The following HMGXB4 variants were observed in gnomAD, a reference collection of about 807,000 sequenced individuals.
HMGXB4 encodes the protein HMG domain-containing protein 4.
A neutral mutation model predicts 63.9 loss-of-function variants in HMGXB4; 27 were observed. The observed-to-expected ratio is 0.42, with a 90% CI of 0.31 to 0.58. The LOEUF (loss-of-function observed/expected upper bound fraction) is 0.58, where lower values mean the gene tolerates loss of function less well. Ranked by LOEUF, HMGXB4 falls within the 20% of genes least tolerant of loss-of-function variation. The probability of loss-of-function intolerance (pLI) is 0.13; values close to 1 mark genes in which losing one functional copy is unlikely to be tolerated. For synonymous variants in HMGXB4, 264 were observed against 265.3 expected (o/e 0.99, Z 0.05); for missense variants, 624 against 700.7 (o/e 0.89, Z 1.24).
chr22:35,282,393 A>G lies in HMGXB4; in HGVS notation c.1216-1569A>G, dbSNP rs561531025. Among the ~76,000 whole-genome samples the G allele has an allele frequency of 9.9e-5, 15 of 152,038 alleles. 1 individual carries two copies. In the South Asian group the frequency reaches 1.0e-3, roughly 11 times the overall value. ...GGGTTTCACCGTGTTAGCCAGGATG[A>G]CCTCGTGATCTGCCCGCCTTGGCCT... is the stretch of plus-strand genomic sequence containing the variant. On this transcript the variant is annotated intron_variant, in intron 5 of 10. Coordinates refer to ENST00000216106, the MANE Select transcript of HMGXB4 (RefSeq NM_001003681.3).
At chr22:35,283,131 C>T (rs113417317) in intron 5 of HMGXB4, among the ~76,000 whole-genome samples, 5,898 of 152,272 alleles carry the variant, frequency 0.039, 161 homozygotes, top group Middle Eastern at 0.071. Context: ...CACTTCTCAC[C>T]TTGAACCCAA....
chr22:35,279,397 C>G (rs1226661201), intron 5 of HMGXB4, among the ~76,000 whole-genome samples: 1 of 151,990 alleles, frequency 6.6e-6, no homozygotes, highest in African/African-American at 2.4e-5. Flanking sequence ...CCTCGGCCTC[C>G]CAAAGTGCTG....
chr22:35,269,649 AGGTTT>A (rs1923479975), intron 5 of HMGXB4, among the ~76,000 whole-genome samples: 1 of 152,236 alleles, frequency 6.6e-6, no homozygotes. Flanking sequence ...TTTATAAGCA[AGGTTT>A]ATTTATGATC....
the HMGXB4 span, chr22:35,249,691 G>A: frequency 1.0e-5 from 1 of 98,618 alleles, no homozygotes. Flanking sequence ...TCTGGGTGGT[G>A]GGTACATGGA....
At chr22:35,256,416 G>A (rs534175416), upstream of HMGXB4, among the ~76,000 whole-genome samples, 7 of 152,208 alleles carry the variant, frequency 4.6e-5, no homozygotes, top group South Asian at 4.2e-4. Flanking sequence ...CTGCTTGAGC[G>A]CTCCTCCAGT....
chr22:35,283,180 C>T (rs1924367174), intron 5 of HMGXB4, among the ~76,000 whole-genome samples: 1 of 152,052 alleles, frequency 6.6e-6, no homozygotes, highest in Non-Finnish European at 1.5e-5. Context: ...CTACAAATGA[C>T]AATAAAAGCA....
chr22:35,265,311 T>G lies in HMGXB4; in HGVS notation c.923T>G (p.Val308Gly). The part of the protein sequence containing the change: ...SGGELEAGEL[V>G]IDDSYREIKK... ...GGGGAACTAGAGGCTGGGGAGTTAG[T>G]GATAGATGATTCTTACCGAGAAATC... Residue 308 changes from valine to glycine, a missense_variant, in exon 5 of 11, where the codon GTG becomes GGG. Transcript: ENST00000216106. 4 of 1,613,298 alleles carry G rather than the reference T, an allele frequency of 2.5e-6. No individual in the cohort carries two copies. Among genetic ancestry groups the G allele is most frequent in the Non-Finnish European group, 8.5e-7 (1 of 1,179,800 alleles).
At chr22:35,285,916 C>G (rs1924549063) in intron 6 of HMGXB4, 81 bp from the exon 7 acceptor site, 1 of 1,023,718 alleles carries the variant, frequency 9.8e-7, no homozygotes. Flanking sequence ...AAACCCTTTT[C>G]CAGTTTTTGC....
At chr22:35,243,948 A>G in the HMGXB4 span, among the ~76,000 whole-genome samples, 2 of 152,208 alleles carry the variant, frequency 1.3e-5, no homozygotes, top group African/African-American at 2.4e-5. Flanking sequence ...TTTCTCTTGT[A>G]TAAGATAAAC....
At chr22:35,259,844 A>C (rs969877068) in intron 1 of HMGXB4, among the ~76,000 whole-genome samples, 2 of 152,192 alleles carry the variant, frequency 1.3e-5, no homozygotes, top group Non-Finnish European at 2.9e-5. Flanking sequence ...AATGCTCTTC[A>C]GTGTTTTTAA....
intron 5 of HMGXB4, among the ~76,000 whole-genome samples, chr22:35,272,344 A>T (rs145355425): frequency 7.1e-6 from 1 of 141,524 alleles, no homozygotes; most frequent in Non-Finnish European, 1.6e-5. Flanking sequence ...GTGGGCTCTT[A>T]CTTGAGAATT....
At chr22:35,271,210 T>C (rs1923583397) in intron 5 of HMGXB4, among the ~76,000 whole-genome samples, 1 of 151,606 alleles carries the variant, frequency 6.6e-6, no homozygotes, top group South Asian at 2.1e-4. Flanking sequence ...AGCTGGGCAA[T>C]ATGACAAGAC....
In HMGXB4 at chr22:35,286,050, A is replaced by G; in HGVS notation, c.1351A>G (p.Lys451Glu). ...LAEVWKQLPE[K>E]DKLIWKQKAQ... is the part of the protein sequence containing the mutation. ...TGAGGTGTGGAAGCAATTACCAGAAAAAGACAAACTGGTAAGTACATTTTC... is the reference window on the plus strand; with the variant it reads ...TGAGGTGTGGAAGCAATTACCAGAAGAAGACAAACTGGTAAGTACATTTTC... Residue 451 changes from lysine to glutamate, a missense_variant, in exon 7 of 11, where the codon AAA (lysine) becomes GAA (glutamate). Coordinates refer to ENST00000216106, the MANE Select transcript of HMGXB4 (RefSeq NM_001003681.3). 6.2e-7 allele frequency: 1 copy of G among 1,605,984 alleles called. No individual in the cohort carries two copies. Among genetic ancestry groups the G allele is most frequent in the Non-Finnish European group, 8.5e-7 (1 of 1,176,764 alleles).
chr22:35,285,975 G>T, intron 6 of HMGXB4, 22 bp from the exon 7 acceptor site: 2 of 1,577,304 alleles, frequency 1.3e-6, no homozygotes, highest in Non-Finnish European at 1.7e-6. Flanking sequence ...ACTGTATTGA[G>T]TGTTTTACTC....
rs769764324 is a variant in HMGXB4 at position 35,263,758 on chromosome 22, C to A, written c.181-38C>A. 6.3e-6 allele frequency: 9 copies of A among 1,432,296 alleles called. No homozygotes were observed. The South Asian group carries it at 1.0e-4, about 16-fold the overall frequency. The allele number at this position is 1,432,296 out of a possible 1,614,324, so 88.7% of individuals were successfully genotyped here. A position where few individuals can be genotyped will look rare whatever the true frequency, so the allele number is the denominator to read the frequency against. On this transcript the variant is annotated intron_variant, in intron 3 of 10. Transcript: ENST00000216106. ...GAGTGGTTACAAACTGCATTTGCCTCATCATCTTATTATTGGTCAATTCTT... is the reference window on the plus strand; with the variant it reads ...GAGTGGTTACAAACTGCATTTGCCTAATCATCTTATTATTGGTCAATTCTT...
chr22:35,249,129 G>T, the HMGXB4 span, among the ~76,000 whole-genome samples: 3 of 151,856 alleles, frequency 2.0e-5, no homozygotes, highest in Admixed American at 2.0e-4. Context: ...CACGATCTTG[G>T]CTCACTGCAA....
chr22:35,279,220 C>T (rs1924097821), intron 5 of HMGXB4, among the ~76,000 whole-genome samples: 1 of 142,652 alleles, frequency 7.0e-6, no homozygotes, highest in Non-Finnish European at 1.5e-5. Context: ...AATCTCGGCT[C>T]ACCGCAACCT....
At chr22:35,272,434 TTTGG>T (rs1362354493) in intron 5 of HMGXB4, among the ~76,000 whole-genome samples, 2 of 152,100 alleles carry the variant, frequency 1.3e-5, no homozygotes, top group East Asian at 1.9e-4. Context: ...GTGGTTTTTG[TTTGG>T]TTGGTTGGTT....
chr22:35,251,623 A>C, the HMGXB4 span, among the ~76,000 whole-genome samples: 1 of 152,344 alleles, frequency 6.6e-6, no homozygotes, highest in East Asian at 1.9e-4. Flanking sequence ...ACATGTTACC[A>C]GGTGTGTGGG....
Sources: allele counts gnomAD v4.1 joint callset (sites outside exome capture counted in the v4.1 genomes callset), GRCh38; gene constraint gnomAD v4.1.1; transcripts MANE v1.5; gene names NCBI Gene and HGNC (gene_info 2026-07-23, HGNC 2026-07-21).